Variants in FOXP2 observed in about 807,000 individuals in gnomAD.
The protein encoded by FOXP2 is forkhead box protein P2.
FOXP2 carries 12 observed loss-of-function variants against 115.8 expected under a neutral mutation model. The ratio of observed to expected loss-of-function variants is 0.10; its 90% CI spans 0.07 to 0.17. FOXP2 has a LOEUF of 0.17. FOXP2 is among the 10% of genes least tolerant of loss of function. The pLI is 1.00. For synonymous variants in FOXP2, 328 were observed against 297.7 expected (o/e 1.10, Z -1.05); for missense variants, 629 against 843.5 (o/e 0.75, Z 3.15).
intron 1 of FOXP2, among the ~76,000 whole-genome samples, chr7:114,198,806 GGGA>G (rs1276730115): frequency 6.6e-6 from 1 of 152,154 alleles, no homozygotes; most frequent in African/African-American, 2.4e-5. Flanking sequence ...GAAGGAGAGA[GGGA>G]GAAGACTGAT....
chr7:114,397,768 A>T (rs1792777958), intron 2 of FOXP2, among the ~76,000 whole-genome samples: 1 of 152,164 alleles, frequency 6.6e-6, no homozygotes, highest in Non-Finnish European at 1.5e-5. Context: ...CAGGAGACTG[A>T]CTCAATTTTA....
intron 2 of FOXP2, among the ~76,000 whole-genome samples, chr7:114,326,435 T>C (rs1338636574): frequency 5.3e-5 from 8 of 152,094 alleles, no homozygotes; most frequent in Non-Finnish European, 1.5e-5. Context: ...GTGAAAATCG[T>C]TTGCAAAAAC....
At chr7:114,580,429 T>C (rs1025016415) in intron 3 of FOXP2, among the ~76,000 whole-genome samples, 2 of 151,966 alleles carry the variant, frequency 1.3e-5, no homozygotes, top group Non-Finnish European at 2.9e-5. Flanking sequence ...AATACAAAAA[T>C]TAGCTGGGTG....
chr7:114,581,286 C>T (rs1281974442), intron 3 of FOXP2, among the ~76,000 whole-genome samples: 4 of 151,734 alleles, frequency 2.6e-5, no homozygotes, highest in African/African-American at 4.8e-5. Flanking sequence ...TAGGCTTAAG[C>T]GATCCTCCCT....
At chr7:114,579,504 G>T (rs1801731836) in intron 3 of FOXP2, among the ~76,000 whole-genome samples, 4 of 151,662 alleles carry the variant, frequency 2.6e-5, no homozygotes, top group Non-Finnish European at 5.9e-5. Context: ...CCCAAACTAG[G>T]CTCTTTTCTT....
intron 3 of FOXP2, among the ~76,000 whole-genome samples, chr7:114,621,236 T>A (rs11981861): frequency 0.11 from 17,348 of 152,060 alleles, 1,093 homozygotes; most frequent in Middle Eastern, 0.18. Context: ...AATATGATTA[T>A]CAGCATCTTT....
intron 1 of FOXP2, among the ~76,000 whole-genome samples, chr7:114,204,749 G>T (rs1373498299): frequency 6.6e-6 from 1 of 152,134 alleles, no homozygotes; most frequent in Non-Finnish European, 1.5e-5. Context: ...ATAATCTAAT[G>T]TGAGTTTTGC....
rs145500210 is a variant in FOXP2, at chr7:114,132,541, T to TTGTGTGTG, written c.-246-30368_-246-30361dup. On this transcript the variant is annotated intron_variant, in intron 1 of 19. Transcript: ENST00000635638. ...AGAAAAATAAAATAGAAAAGATAAA[T>TTGTGTGTG]TGTGTGTGTGTGTGTGTGTGTGTGT... 4.1e-4 allele frequency among the ~76,000 whole-genome samples: 37 copies of TTGTGTGTG among 90,656 alleles called. 1 individual carries two copies. Among genetic ancestry groups the TTGTGTGTG allele is most frequent in the African/African-American group, 1.9e-3 (35 of 18,898 alleles). 59.5% of individuals were successfully genotyped at this position (90,656 alleles called of 152,430 possible). A position where few individuals can be genotyped will look rare whatever the true frequency, so the allele number is the denominator to read the frequency against.
rs1490196021 is a variant in FOXP2, at chr7:114,631,554, G to A, written c.624G>A (p.Gln208=). ...KEQQQQQQQQ[Q]QLAAQQLVFQ... ...AGCAGCAGCAGCAGCAGCAGCAACA[G>A]CAATTGGCAGCCCAGCAGCTTGTCT... is the stretch of plus-strand genomic sequence containing the variant. The change falls in exon 6 of 17, where the codon CAG becomes CAA. Residue 208 remains glutamine, a synonymous_variant. Transcript: ENST00000350908. 27 of 1,586,764 alleles carry A rather than the reference G, an allele frequency of 1.7e-5. No individual in the cohort carries two copies. The highest frequency in any genetic ancestry group is 2.7e-5 in the African/African-American group (2 of 74,070).
intron 2 of FOXP2, among the ~76,000 whole-genome samples, chr7:114,516,340 G>A (rs912656679): frequency 3.3e-5 from 5 of 152,134 alleles, no homozygotes; most frequent in African/African-American, 7.2e-5. Context: ...ATGGTGCTGG[G>A]AAAACTGGCT....
At chr7:114,349,126 ATG>A (rs896877822) in intron 2 of FOXP2, among the ~76,000 whole-genome samples, 12 of 151,982 alleles carry the variant, frequency 7.9e-5, no homozygotes, top group African/African-American at 2.9e-4. Context: ...TGACTTTACT[ATG>A]TTTTTTTTTC....
At chr7:114,483,979 T>C (rs1006979845) in intron 2 of FOXP2, among the ~76,000 whole-genome samples, 1 of 151,800 alleles carries the variant, frequency 6.6e-6, no homozygotes, top group Non-Finnish European at 1.5e-5. Context: ...TCCTACTCAA[T>C]TAAGCTTTAA....
chr7:114,650,843 A>C (rs1330064116), intron 8 of FOXP2, among the ~76,000 whole-genome samples: 1 of 152,068 alleles, frequency 6.6e-6, no homozygotes, highest in Non-Finnish European at 1.5e-5. Flanking sequence ...GACAAGATAC[A>C]TGGAGGTTTT....
chr7:114,329,507 G>A (rs1374671611), intron 2 of FOXP2, among the ~76,000 whole-genome samples: 2 of 140,410 alleles, frequency 1.4e-5, no homozygotes, highest in African/African-American at 5.4e-5. Context: ...CGACAAGAGT[G>A]AAACTCCATC....
intron 1 of FOXP2, among the ~76,000 whole-genome samples, chr7:114,157,947 G>A (rs1792712137): frequency 6.6e-6 from 1 of 152,014 alleles, no homozygotes; most frequent in Non-Finnish European, 1.5e-5. Context: ...GAGACACTTA[G>A]TATTCTTTGG....
At chr7:114,144,814 T>G (rs1323300491) in intron 1 of FOXP2, among the ~76,000 whole-genome samples, 2 of 152,140 alleles carry the variant, frequency 1.3e-5, no homozygotes, top group African/African-American at 4.8e-5. Flanking sequence ...TTATTGTTTA[T>G]TTTGAGTACA....
At chr7:114,289,098 A>T (rs1796533865) in intron 2 of FOXP2, among the ~76,000 whole-genome samples, 1 of 151,832 alleles carries the variant, frequency 6.6e-6, no homozygotes, top group Non-Finnish European at 1.5e-5. Context: ...TTATACAGTT[A>T]AATATTTCCC....
chr7:114,318,755 T>C (rs910723514), intron 2 of FOXP2, among the ~76,000 whole-genome samples: 3 of 151,518 alleles, frequency 2.0e-5, no homozygotes, highest in South Asian at 2.1e-4. Context: ...ATATGGAATG[T>C]TTTGCATATT....
chr7:114,591,963 A>G (rs1232388904), intron 3 of FOXP2, among the ~76,000 whole-genome samples: 2 of 152,182 alleles, frequency 1.3e-5, no homozygotes, highest in African/African-American at 4.8e-5. Flanking sequence ...CTTTCATTTC[A>G]TTTGAAGTTA....
Sources: allele counts gnomAD v4.1 joint callset (sites outside exome capture counted in the v4.1 genomes callset), GRCh38; gene constraint gnomAD v4.1.1; transcripts MANE v1.5; gene names NCBI Gene and HGNC (gene_info 2026-07-23, HGNC 2026-07-21).